The following CAMK2B variants were observed in gnomAD, a reference collection of about 807,000 sequenced individuals.
The protein encoded by CAMK2B is calcium/calmodulin dependent protein kinase II beta, also known as calcium/calmodulin-dependent protein kinase type II subunit beta.
A neutral mutation model predicts 93.7 loss-of-function variants in CAMK2B; 27 were observed. The ratio of observed to expected loss-of-function variants is 0.29; its 90% CI spans 0.21 to 0.40. The LOEUF (loss-of-function observed/expected upper bound fraction) is 0.40. CAMK2B is among the 10% of genes least tolerant of loss of function. The pLI is 1.00. For synonymous variants in CAMK2B, 374 were observed against 358.8 expected (o/e 1.04, Z -0.48); for missense variants, 568 against 895.8 (o/e 0.63, Z 4.67).
intron 1 of CAMK2B, among the ~76,000 whole-genome samples, chr7:44,303,880 A>G (rs1790755338): frequency 6.6e-6 from 1 of 152,258 alleles, no homozygotes. Flanking sequence ...AAAATATACA[A>G]TGAACCCTTA....
intron 19 of CAMK2B, among the ~76,000 whole-genome samples, chr7:44,228,407 G>A (rs551683737): frequency 3.2e-4 from 48 of 152,248 alleles, no homozygotes; most frequent in Admixed American, 1.6e-3. Flanking sequence ...TGGGCACCAT[G>A]GGCAGGGCCC....
Position 44,263,018 on chromosome 7 carries a change from C to T in CAMK2B, c.207G>A (p.Lys69=), listed in dbSNP as rs560041790. The change falls in exon 3 of 24, where the codon AAG becomes AAA. Residue 69 remains lysine, a synonymous_variant. Coordinates refer to ENST00000395749, the MANE Select transcript of CAMK2B (RefSeq NM_001220.5). Reference sequence around the variant, plus strand: ...CAGGCTGCTCACCGATGTTGGAATGCTTCAGAAGGCGGCAGATCCGAGCCT... The same window carrying T: ...CAGGCTGCTCACCGATGTTGGAATGTTTCAGAAGGCGGCAGATCCGAGCCT... ...EREARICRLL[K]HSNIVRLHDS... is the part of the protein sequence containing the mutation. 20 of 1,613,444 alleles carry T rather than the reference C, an allele frequency of 1.2e-5. No individual in the cohort carries two copies. Among genetic ancestry groups the T allele is most frequent in the Middle Eastern group, 1.7e-4 (1 of 6,056 alleles).
In CAMK2B at chr7:44,292,296, A is replaced by T. The variant is rs1043667019; in HGVS notation, c.66-8071T>A. Among the ~76,000 whole-genome samples, 8 of 152,278 alleles carry T rather than the reference A, an allele frequency of 5.3e-5. No individual in the cohort carries two copies. In the East Asian group the frequency reaches 1.5e-3, roughly 29 times the overall value. ...ACAGTCATATCTCCAATATGACCTC[A>T]TCCTAACTTGACTAATTACATCTGC... On this transcript the variant is annotated intron_variant, in intron 1 of 23. Coordinates refer to ENST00000395749, the MANE Select transcript of CAMK2B (RefSeq NM_001220.5).
At position 44,247,142 on chromosome 7, in the gene CAMK2B, C is replaced by G; in HGVS notation, c.392G>C (p.Gly131Ala). Residue 131 changes from glycine (G) to alanine (A), a missense_variant, in exon 6 of 24, where the codon GGG (glycine) becomes GCG (alanine). By Grantham distance (60) the Gly-to-Ala change is moderately conservative. Coordinates refer to ENST00000395749, the MANE Select transcript of CAMK2B (RefSeq NM_001220.5). ...LEAVLHCHQM[G>A]VVHRDLKPEN... ...CACCTTGAGGTCTCTGTGGACGACC[C>G]CCATTTGGTGACAATGGAGAACGGC... The G allele has an allele frequency of 6.2e-7, 1 of 1,614,036 alleles. No individual in the cohort carries two copies. The highest frequency in any genetic ancestry group is 8.5e-7 in the Non-Finnish European group (1 of 1,179,940).
chr7:44,233,329 G>A (rs964330249), intron 15 of CAMK2B, among the ~76,000 whole-genome samples: 14 of 152,210 alleles, frequency 9.2e-5, no homozygotes, highest in African/African-American at 3.4e-4. Context: ...TGTGAGGCTG[G>A]CACGTGGGCT....
intron 1 of CAMK2B, among the ~76,000 whole-genome samples, chr7:44,306,660 T>C (rs994206970): frequency 3.9e-5 from 6 of 152,090 alleles, no homozygotes; most frequent in African/African-American, 1.2e-4. Flanking sequence ...ATTATGCAGA[T>C]AATGCACAGG....
rs534317367 is a variant in CAMK2B at position 44,269,450 on chromosome 7, G to A, written c.161-6386C>T. Among the ~76,000 whole-genome samples, 3 of 152,204 alleles carry A rather than the reference G, an allele frequency of 2.0e-5. No homozygotes were observed. In the South Asian group the frequency reaches 6.2e-4, roughly 31 times the overall value. ...TTCTCCAGAGCCAAGAAGGGGTCCGGGATGGAGCTGGCAGAGGCTTCTCTG... is the reference window on the plus strand; with the variant it reads ...TTCTCCAGAGCCAAGAAGGGGTCCGAGATGGAGCTGGCAGAGGCTTCTCTG... On this transcript the variant is annotated intron_variant, in intron 2 of 23. Transcript: ENST00000395749.
At chr7:44,278,561 CAT>C (rs1215187377) in intron 2 of CAMK2B, among the ~76,000 whole-genome samples, 3 of 152,162 alleles carry the variant, frequency 2.0e-5, no homozygotes, top group African/African-American at 7.2e-5. Flanking sequence ...CAGGTCCCCG[CAT>C]GGGGGAGGCA....
chr7:44,325,452 G>C lies in CAMK2B; in HGVS notation c.-31C>G, dbSNP rs779217849. On this transcript the variant is annotated 5_prime_UTR_variant, in exon 1 of 24. Coordinates refer to ENST00000395749, the MANE Select transcript of CAMK2B (RefSeq NM_001220.5). Reference sequence around the variant, plus strand: ...CGGCGGACGGGCTCGGCGTGCGCTCGGCTGCGCTCGGGCGGCGGCGACTCC... The same window carrying C: ...CGGCGGACGGGCTCGGCGTGCGCTCCGCTGCGCTCGGGCGGCGGCGACTCC... 7.3e-5 allele frequency: 78 copies of C among 1,063,628 alleles called. 3 individuals are homozygous for C. In the East Asian group the frequency reaches 2.3e-3, roughly 31 times the overall value. 65.9% of individuals were successfully genotyped at this position (1,063,628 alleles called of 1,614,324 possible). A position where few individuals can be genotyped will look rare whatever the true frequency, so the allele number is the denominator to read the frequency against.
intron 1 of CAMK2B, among the ~76,000 whole-genome samples, chr7:44,289,742 G>A (rs572125297): frequency 6.6e-6 from 1 of 152,326 alleles, no homozygotes; most frequent in South Asian, 2.1e-4. Context: ...CATAGGCAGG[G>A]ACCCAGGCGC....
At position 44,311,284 on chromosome 7, in the gene CAMK2B, C is replaced by G. The variant is rs1008415814; in HGVS notation, c.65+14073G>C. 9.9e-5 allele frequency among the ~76,000 whole-genome samples: 15 copies of G among 152,142 alleles called. No individual in the cohort carries two copies. Among genetic ancestry groups the G allele is most frequent in the African/African-American group, 3.6e-4 (15 of 41,416 alleles). On this transcript the variant is annotated intron_variant, in intron 1 of 23. Coordinates refer to ENST00000395749, the MANE Select transcript of CAMK2B (RefSeq NM_001220.5). This position sits in a 1 kb window ranked among gnomAD's most constrained non-coding sequence, Gnocchi z 4.2. ...AGACATGGGGTTTCACCATGTTGGC[C>G]AGGCTGGTCTCGAACTCCTGACTTC...
intron 20 of CAMK2B, among the ~76,000 whole-genome samples, 166 bp downstream of exon 20, chr7:44,226,350 G>T (rs944180601): frequency 6.6e-6 from 1 of 152,186 alleles, no homozygotes; most frequent in African/African-American, 2.4e-5. Flanking sequence ...CTGAGACCCA[G>T]TGGCACCTTC....
In CAMK2B at chr7:44,241,903, G is replaced by T. The variant is rs1049051437; in HGVS notation, c.820-120C>A. ...GCCAAGAGCCACCGGCCACCATTGC[G>T]GCAAGGGTTGTCTGTCCCCACCCGC... On this transcript the variant is annotated intron_variant, in intron 10 of 23. Transcript: ENST00000395749. The T allele has an allele frequency of 6.4e-6, 5 of 787,298 alleles. No individual in the cohort carries two copies. In the African/African-American group the frequency reaches 6.9e-5, roughly 11 times the overall value. The allele number at this position is 787,298 out of a possible 1,614,324, so 48.8% of individuals were successfully genotyped here. A position where few individuals can be genotyped will look rare whatever the true frequency, so the allele number is the denominator to read the frequency against.
intron 20 of CAMK2B, among the ~76,000 whole-genome samples, chr7:44,223,955 T>C (rs1258604862): frequency 6.6e-6 from 1 of 152,252 alleles, no homozygotes; most frequent in Non-Finnish European, 1.5e-5. Context: ...AATGACATTA[T>C]GTCATTTGGT....
At chr7:44,295,533 T>C (rs138874736) in intron 1 of CAMK2B, among the ~76,000 whole-genome samples, 1 of 152,300 alleles carries the variant, frequency 6.6e-6, no homozygotes, top group East Asian at 1.9e-4. Flanking sequence ...AATTGCCAGA[T>C]GCTCAGTGTG....
chr7:44,283,323 A>AAGGGCAGGGAGACCCCGTG (rs928563480), intron 2 of CAMK2B, among the ~76,000 whole-genome samples: 1 of 152,062 alleles, frequency 6.6e-6, no homozygotes, highest in African/African-American at 2.4e-5. Flanking sequence ...GAGACCCCAC[A>AAGGGCAGGGAGACCCCGTG]AGGGCAGGGA....
chr7:44,220,209 A>G lies in CAMK2B; in HGVS notation c.1854T>C (p.Ala618=). The change falls in exon 23 of 24, where the codon GCT becomes GCC. Residue 618 remains alanine, a synonymous_variant. Coordinates refer to ENST00000395749, the MANE Select transcript of CAMK2B (RefSeq NM_001220.5). ...HVIGEDAACI[A]YIRLTQYIDG... is the part of the protein sequence containing the mutation. ...CAATGTACTGCGTGAGCCGGATGTA[A>G]GCGATGCAGGCGGCATCCTCTCCAA... is the stretch of plus-strand genomic sequence containing the variant. 6.2e-7 allele frequency: 1 copy of G among 1,613,326 alleles called. No homozygotes were observed. The highest frequency in any genetic ancestry group is 2.2e-5 in the East Asian group (1 of 44,882).
rs2096451888 is a variant in CAMK2B at position 44,224,499 on chromosome 7, C to T, written c.1597+2017G>A. Among the ~76,000 whole-genome samples, 1 of 152,214 alleles carries T rather than the reference C, an allele frequency of 6.6e-6. No homozygotes were observed. Among genetic ancestry groups the T allele is most frequent in the Admixed American group, 6.5e-5 (1 of 15,288 alleles). On this transcript the variant is annotated intron_variant, in intron 20 of 23. Transcript: ENST00000395749. This position sits in a 1 kb window ranked among gnomAD's most constrained non-coding sequence, Gnocchi z 4.4. ...TGGAGGGGTCTGCACGAGCCAAGAG[C>T]CTCTGCAAGTCAGGCCTTCCAGGTG...
chr7:44,275,853 C>T (rs1236057198), intron 2 of CAMK2B, among the ~76,000 whole-genome samples: 1 of 152,262 alleles, frequency 6.6e-6, no homozygotes, highest in Admixed American at 6.5e-5. Flanking sequence ...AGGGTCCCTT[C>T]CCCATAATCC....
Sources: gnomAD v4.1 joint callset for allele counts (sites outside exome capture counted in the v4.1 genomes callset) on GRCh38, gnomAD v4.1.1 for gene constraint, Gnocchi (gnomAD v3.1) non-coding constraint, MANE v1.5 for transcripts, NCBI Gene and HGNC (gene_info 2026-07-23, HGNC 2026-07-21) for gene names.